SPMAP2L: variants seen among roughly 807,000 people sequenced by gnomAD.
SPMAP2L encodes the protein sperm microtubule associated protein 2 like.
the SPMAP2L span, among the ~76,000 whole-genome samples, chr4:56,614,261 A>C: frequency 6.6e-6 from 1 of 152,218 alleles, no homozygotes; most frequent in African/African-American, 2.4e-5. Context: ...CAGCTTCATA[A>C]TCCTGGAGAA....
At chr4:56,594,330 G>C in the SPMAP2L span, 105 of 1,527,128 alleles carry the variant, frequency 6.9e-5, no homozygotes, top group Non-Finnish European at 9.4e-5. Context: ...CTGGGATCCT[G>C]CACCATGAAA....
the SPMAP2L span, among the ~76,000 whole-genome samples, chr4:56,587,263 T>C: frequency 1.5e-5 from 2 of 135,030 alleles, no homozygotes; most frequent in Admixed American, 7.9e-5. Context: ...TCTTCCTTGG[T>C]CCATTGATTG....
chr4:56,578,163 T>C, the SPMAP2L span, among the ~76,000 whole-genome samples: 1 of 152,154 alleles, frequency 6.6e-6, no homozygotes, highest in Non-Finnish European at 1.5e-5. Context: ...GACAATTGCC[T>C]AAAGCAATAA....
the SPMAP2L span, among the ~76,000 whole-genome samples, chr4:56,598,717 G>A: frequency 1.3e-5 from 2 of 151,962 alleles, no homozygotes; most frequent in Non-Finnish European, 2.9e-5. Context: ...TGAGGTCAGA[G>A]GGGTGGGGCA....
the SPMAP2L span, among the ~76,000 whole-genome samples, chr4:56,626,093 G>C: frequency 1.3e-5 from 2 of 152,218 alleles, no homozygotes; most frequent in African/African-American, 2.4e-5. Context: ...CAGCTGAGAG[G>C]AAACTGAAGG....
chr4:56,570,471 T>C, the SPMAP2L span, among the ~76,000 whole-genome samples: 1 of 152,210 alleles, frequency 6.6e-6, no homozygotes, highest in East Asian at 1.9e-4. Flanking sequence ...TGTTACAGAA[T>C]ACCTTAGGCA....
chr4:56,579,527 T>G, the SPMAP2L span, among the ~76,000 whole-genome samples: 2 of 151,148 alleles, frequency 1.3e-5, no homozygotes, highest in Non-Finnish European at 2.9e-5. Flanking sequence ...CCCAGCAATT[T>G]GGGAAGCTGA....
At chr4:56,533,688 CTG>C in the SPMAP2L span, among the ~76,000 whole-genome samples, 3 of 151,662 alleles carry the variant, frequency 2.0e-5, no homozygotes, top group Non-Finnish European at 2.9e-5. Flanking sequence ...TGCCTCAAAT[CTG>C]TAATCCCAGC....
the SPMAP2L span, among the ~76,000 whole-genome samples, chr4:56,554,357 G>A: frequency 1.3e-5 from 2 of 152,296 alleles, no homozygotes; most frequent in African/African-American, 4.8e-5. Context: ...GGTGGTGTCA[G>A]TGTTTGGATT....
chr4:56,575,017 G>A, the SPMAP2L span, among the ~76,000 whole-genome samples: 3 of 152,208 alleles, frequency 2.0e-5, no homozygotes, highest in Non-Finnish European at 2.9e-5. Flanking sequence ...TTGGGAGGCC[G>A]AGGCCGGTGG....
the SPMAP2L span, among the ~76,000 whole-genome samples, chr4:56,545,238 A>G: frequency 6.6e-6 from 1 of 152,070 alleles, no homozygotes. Flanking sequence ...TTTATTATCT[A>G]TGCTTCCCTT....
the SPMAP2L span, among the ~76,000 whole-genome samples, chr4:56,544,025 G>A: frequency 1.3e-5 from 2 of 149,236 alleles, no homozygotes; most frequent in Non-Finnish European, 3.0e-5. Context: ...TCGCTCTCTT[G>A]CCCAGGCTGG....
At chr4:56,594,070 T>A in the SPMAP2L span, 1 of 1,609,844 alleles carries the variant, frequency 6.2e-7, no homozygotes, top group Non-Finnish European at 8.5e-7. Flanking sequence ...TTGGTATTTC[T>A]CTTGATGAAA....
At chr4:56,593,910 T>A in the SPMAP2L span, 3 of 1,609,400 alleles carry the variant, frequency 1.9e-6, no homozygotes, top group Non-Finnish European at 2.6e-6. Context: ...ACTTTGATTT[T>A]GCCAGAAGGT....
the SPMAP2L span, among the ~76,000 whole-genome samples, chr4:56,543,893 AGAGTGTGTGTGTGT>A: frequency 0.11 from 14,949 of 132,378 alleles, 928 homozygotes; most frequent in East Asian, 0.22. Flanking sequence ...AGAGAGAGAG[AGAGTGTGTGTGTGT>A]GTGTGTGTGT....
the SPMAP2L span, chr4:56,531,297 A>G: frequency 7.7e-7 from 1 of 1,297,678 alleles, no homozygotes; most frequent in South Asian, 1.6e-5. Flanking sequence ...AGAGCTTGCC[A>G]TATTGAAAAG....
chr4:56,574,650 A>G, the SPMAP2L span, among the ~76,000 whole-genome samples: 3,633 of 152,278 alleles, frequency 0.024, 153 homozygotes, highest in African/African-American at 0.082. Flanking sequence ...AAAAGCAGCA[A>G]ATTTTCTCTT....
At chr4:56,595,045 G>C in the SPMAP2L span, 1 of 1,610,012 alleles carries the variant, frequency 6.2e-7, no homozygotes, top group East Asian at 2.2e-5. Context: ...TGCCTGTCCT[G>C]TGGGAACCGT....
At chr4:56,608,415 CAG>C in the SPMAP2L span, among the ~76,000 whole-genome samples, 1 of 152,122 alleles carries the variant, frequency 6.6e-6, no homozygotes, top group Non-Finnish European at 1.5e-5. Context: ...AGAAGGAAGT[CAG>C]ATGCTATTAA....
Sources: gnomAD v4.1 joint callset for allele counts (sites outside exome capture counted in the v4.1 genomes callset) on GRCh38, gnomAD v4.1.1 for gene constraint, MANE v1.5 for transcripts, NCBI Gene and HGNC (gene_info 2026-07-23, HGNC 2026-07-21) for gene names.